CNBD1: variants seen among roughly 807,000 people sequenced by gnomAD.
The protein encoded by CNBD1 is cyclic nucleotide binding domain containing 1, also known as cyclic nucleotide-binding domain-containing protein 1.
CNBD1 carries 71 observed loss-of-function variants against 54.4 expected under a neutral mutation model. The ratio of observed to expected loss-of-function variants is 1.30; its 90% confidence interval spans 1.08 to 1.59. The LOEUF (loss-of-function observed/expected upper bound fraction) is 1.59, where lower values mean the gene tolerates loss of function less well. Among genes scored for constraint, CNBD1 ranks in the 40% most tolerant of loss-of-function variants. The pLI is 0.00. For missense variants in CNBD1, 659 were observed against 518.0 expected, an observed-to-expected ratio of 1.27 and a Z score of -2.64; for synonymous variants, 182 against 170.7, an observed-to-expected ratio of 1.07 and a Z score of -0.51.
intron 4 of CNBD1, among the ~76,000 whole-genome samples, chr8:87,113,678 G>T (rs1207005218): frequency 6.6e-6 from 1 of 152,176 alleles, no homozygotes; most frequent in African/African-American, 2.4e-5. Context: ...CCAGCACTTT[G>T]GGAGGCCCAG....
At chr8:86,993,624 G>T (rs1332934126) in intron 4 of CNBD1, among the ~76,000 whole-genome samples, 2 of 152,150 alleles carry the variant, frequency 1.3e-5, no homozygotes, top group African/African-American at 4.8e-5. Context: ...AGACTCAATT[G>T]CTTCATTTCT....
At chr8:87,083,590 T>TC (rs1355962916) in intron 4 of CNBD1, among the ~76,000 whole-genome samples, 2 of 146,742 alleles carry the variant, frequency 1.4e-5, no homozygotes, top group African/African-American at 5.1e-5. Flanking sequence ...TATTTCTTTT[T>TC]TTTTTTTTTT....
At chr8:87,230,505 G>A (rs1390164666) in intron 5 of CNBD1, among the ~76,000 whole-genome samples, 6 of 152,196 alleles carry the variant, frequency 3.9e-5, no homozygotes, top group Admixed American at 2.6e-4. Flanking sequence ...GTATGTGTGT[G>A]TGTGTCCTTC....
intron 3 of CNBD1, among the ~76,000 whole-genome samples, chr8:86,937,276 T>A (rs1013066993): frequency 2.0e-5 from 3 of 152,162 alleles, no homozygotes; most frequent in African/African-American, 7.2e-5. Flanking sequence ...CCCCCATGAT[T>A]CAGATACCTC....
At chr8:87,330,231 C>T (rs1284365950) in intron 8 of CNBD1, among the ~76,000 whole-genome samples, 53 of 130,754 alleles carry the variant, frequency 4.1e-4, no homozygotes, top group African/African-American at 9.6e-4. Context: ...TTCCTTCTCT[C>T]TTTTTTTTTT....
At chr8:87,391,008 G>T (rs532333039) in intron 2 of CNBD1, among the ~76,000 whole-genome samples, 2 of 151,128 alleles carry the variant, frequency 1.3e-5, no homozygotes, top group African/African-American at 4.9e-5. Context: ...ACCAAACACC[G>T]CATGTTCTCA....
chr8:87,267,457 T>C (rs1210477246), intron 6 of CNBD1, among the ~76,000 whole-genome samples: 2 of 152,154 alleles, frequency 1.3e-5, no homozygotes, highest in Admixed American at 6.6e-5. Context: ...AGAATTTGTG[T>C]TTTGGAAAAC....
chr8:87,070,594 A>G (rs938306788), intron 4 of CNBD1, among the ~76,000 whole-genome samples: 8 of 151,908 alleles, frequency 5.3e-5, no homozygotes, highest in African/African-American at 1.9e-4. Flanking sequence ...TTTTTTTCCT[A>G]AGTGTAATGG....
intron 6 of CNBD1, among the ~76,000 whole-genome samples, chr8:87,281,004 G>A (rs1158535105): frequency 2.0e-5 from 3 of 151,450 alleles, no homozygotes; most frequent in South Asian, 2.1e-4. Context: ...GAGCTATAAA[G>A]TAAATAGCTT....
intron 3 of CNBD1, among the ~76,000 whole-genome samples, chr8:86,913,326 A>G (rs1809132433): frequency 6.6e-6 from 1 of 152,178 alleles, no homozygotes; most frequent in Non-Finnish European, 1.5e-5. Flanking sequence ...TTAATCCTGT[A>G]TTTTAATTTA....
intron 4 of CNBD1, among the ~76,000 whole-genome samples, chr8:87,185,379 G>A (rs532462471): frequency 2.6e-5 from 4 of 152,114 alleles, no homozygotes; most frequent in Admixed American, 2.0e-4. Flanking sequence ...TTTATTGGGT[G>A]CCAGTTATTT....
chr8:87,297,048 G>A (rs1279537250), intron 8 of CNBD1, among the ~76,000 whole-genome samples: 1 of 150,998 alleles, frequency 6.6e-6, no homozygotes, highest in Non-Finnish European at 1.5e-5. Flanking sequence ...CTTGGTGGCG[G>A]GTGCCTGTAG....
chr8:87,173,293 T>C (rs1813127235), intron 4 of CNBD1, among the ~76,000 whole-genome samples: 1 of 152,228 alleles, frequency 6.6e-6, no homozygotes, highest in African/African-American at 2.4e-5. Context: ...TTGGTTTTAC[T>C]ACTTAAAATA....
intron 4 of CNBD1, among the ~76,000 whole-genome samples, chr8:87,077,724 A>G (rs1810903890): frequency 6.6e-6 from 1 of 151,904 alleles, no homozygotes; most frequent in Non-Finnish European, 1.5e-5. Flanking sequence ...AGCTTCATCC[A>G]TGTCCCTACA....
At chr8:86,954,724 G>T (rs757173745) in intron 4 of CNBD1, among the ~76,000 whole-genome samples, 1 of 152,118 alleles carries the variant, frequency 6.6e-6, no homozygotes, top group Non-Finnish European at 1.5e-5. Flanking sequence ...AGTTATTTTA[G>T]TTACATACTT....
chr8:87,314,911 G>C (rs895733271), intron 8 of CNBD1, among the ~76,000 whole-genome samples: 3 of 152,008 alleles, frequency 2.0e-5, no homozygotes, highest in African/African-American at 4.8e-5. Context: ...TCTTGGATAG[G>C]AAAATGCTTT....
At chr8:87,161,272 C>A (rs187119889) in intron 4 of CNBD1, among the ~76,000 whole-genome samples, 2 of 152,162 alleles carry the variant, frequency 1.3e-5, no homozygotes, top group African/African-American at 4.8e-5. Context: ...ACCCTTTATG[C>A]ATATAATATG....
intron 4 of CNBD1, among the ~76,000 whole-genome samples, chr8:86,946,160 C>G (rs1352862594): frequency 5.3e-5 from 8 of 152,128 alleles, no homozygotes; most frequent in Non-Finnish European, 1.2e-4. Context: ...TTGCTATGTT[C>G]TTGCTATAGT....
At chr8:87,306,776 G>T (rs868382136) in intron 8 of CNBD1, among the ~76,000 whole-genome samples, 2 of 151,878 alleles carry the variant, frequency 1.3e-5, no homozygotes, top group Non-Finnish European at 2.9e-5. Context: ...GTGGGAGGGG[G>T]GTGAGGGATA....
Sources: allele counts gnomAD v4.1 joint callset (sites outside exome capture counted in the v4.1 genomes callset), GRCh38; gene constraint gnomAD v4.1.1; transcripts MANE v1.5; gene names NCBI Gene and HGNC (gene_info 2026-07-23, HGNC 2026-07-21).